The following BNC2 variants were observed in gnomAD, a reference collection of about 807,000 sequenced individuals.
The protein encoded by BNC2 is zinc finger protein basonuclin-2.
In BNC2, 20 loss-of-function variants were observed where a neutral mutation model predicts 76.3. The ratio of observed to expected loss-of-function variants is 0.26; its 90% CI spans 0.18 to 0.38. The LOEUF is 0.38. BNC2 is among the 10% of genes least tolerant of loss of function. The probability of loss-of-function intolerance (pLI) is 1.00; values close to 1 mark genes in which losing one functional copy is unlikely to be tolerated. For synonymous variants in BNC2, 582 were observed against 514.8 expected, an observed-to-expected ratio of 1.13 and a Z score of -1.77; for missense variants, 1,382 against 1,399.8, an observed-to-expected ratio of 0.99 and a Z score of 0.20.
chr9:16,419,429 C>T lies in BNC2; in HGVS notation c.2860G>A (p.Ala954Thr), dbSNP rs763487720. 70 of 1,607,898 alleles carry T rather than the reference C, an allele frequency of 4.4e-5. 1 individual carries two copies. The South Asian group carries it at 7.7e-4, about 18-fold the overall frequency. ...AAGTCAAGGACCATGTAGTCCTCTGCCATGCCTCTCCCATACCCGTTCAGG... is the reference window on the plus strand; with the variant it reads ...AAGTCAAGGACCATGTAGTCCTCTGTCATGCCTCTCCCATACCCGTTCAGG... ...SHLNGYGRGMAEDYMVLDLST... is the reference protein window; with the variant it reads ...SHLNGYGRGMTEDYMVLDLST... Residue 954 changes from alanine (A) to threonine (T), a missense_variant, in exon 7 of 7, where the codon GCA becomes ACA. Physicochemically the swap from Ala to Thr is moderately conservative, Grantham distance 58. This residue lies in a region of BNC2 where 798 missense variants were observed against 775.5 expected (regional missense o/e 1.03). Coordinates refer to ENST00000380672, the MANE Select transcript of BNC2 (RefSeq NM_017637.6).
At chr9:16,763,906 G>A (rs1188528673) in intron 1 of BNC2, among the ~76,000 whole-genome samples, 9 of 152,208 alleles carry the variant, frequency 5.9e-5, no homozygotes, top group African/African-American at 2.2e-4. Flanking sequence ...GTGTCCACCA[G>A]GCCCTCCTGC....
At chr9:16,814,123 C>G (rs1290379789) in intron 1 of BNC2, among the ~76,000 whole-genome samples, 1 of 152,198 alleles carries the variant, frequency 6.6e-6, no homozygotes, top group East Asian at 1.9e-4. Context: ...TCCTCATCTA[C>G]TATTTTGTAG....
intron 5 of BNC2, among the ~76,000 whole-genome samples, chr9:16,527,798 C>T (rs1280392230): frequency 5.3e-5 from 8 of 152,152 alleles, no homozygotes; most frequent in Non-Finnish European, 8.8e-5. Context: ...TATTCAAGCA[C>T]GAACAACTGC....
In BNC2 at chr9:16,414,914, CA is replaced by C. The variant is rs1371973242; in HGVS notation, c.*4074del. 10 of 142,208 alleles carry C rather than the reference CA, an allele frequency of 7.0e-5. No individual in the cohort carries two copies. In the East Asian group the frequency reaches 2.1e-3, roughly 29 times the overall value. The allele number at this position is 142,208 out of a possible 1,614,324, so 8.8% of individuals were successfully genotyped here. A position where few individuals can be genotyped will look rare whatever the true frequency, so the allele number is the denominator to read the frequency against. ...TGGAATAGCCCATTCTTGATATATTCAAAGTTTTTTTTTTTTTTTTTTCCTT... is the reference window on the plus strand; with the variant it reads ...TGGAATAGCCCATTCTTGATATATTCAAGTTTTTTTTTTTTTTTTTTCCTT... On this transcript the variant is annotated 3_prime_UTR_variant, in exon 7 of 7. Transcript: ENST00000380672.
chr9:16,474,210 T>G (rs1821883904), intron 5 of BNC2, among the ~76,000 whole-genome samples: 1 of 152,226 alleles, frequency 6.6e-6, no homozygotes, highest in African/African-American at 2.4e-5. Flanking sequence ...AAAGTTAGGA[T>G]TATACATCCT....
intron 3 of BNC2, among the ~76,000 whole-genome samples, chr9:16,698,675 CAA>C (rs1823413259): frequency 6.6e-6 from 1 of 151,378 alleles, no homozygotes; most frequent in Admixed American, 6.6e-5. Flanking sequence ...GCCTGGGCAA[CAA>C]GAGCAAAACT....
intron 3 of BNC2, among the ~76,000 whole-genome samples, chr9:16,687,601 C>T (rs1040009737): frequency 3.3e-5 from 5 of 152,042 alleles, no homozygotes; most frequent in African/African-American, 1.2e-4. Flanking sequence ...AATGAATCCC[C>T]CCAAAACCTT....
intron 1 of BNC2, among the ~76,000 whole-genome samples, chr9:16,859,684 G>C (rs1278234280): frequency 6.6e-6 from 1 of 152,222 alleles, no homozygotes; most frequent in African/African-American, 2.4e-5. Flanking sequence ...AGCTAGAATA[G>C]TGGTTTCCCA....
intron 5 of BNC2, among the ~76,000 whole-genome samples, chr9:16,498,106 C>A (rs1280854235): frequency 7.0e-6 from 1 of 142,356 alleles, no homozygotes; most frequent in Non-Finnish European, 1.5e-5. Context: ...TATATATATT[C>A]TATCATATGT....
intron 1 of BNC2, among the ~76,000 whole-genome samples, chr9:16,863,735 C>T (rs528016094): frequency 6.6e-6 from 1 of 152,092 alleles, no homozygotes; most frequent in Non-Finnish European, 1.5e-5. Context: ...GTTAAAAAGC[C>T]TTGCCTAAAA....
rs534938859 is a variant in BNC2 at position 16,733,501 on chromosome 9, C to CACA, written c.129+4856_129+4858dup. Among the ~76,000 whole-genome samples the CACA allele has an allele frequency of 3.2e-4, 49 of 151,886 alleles. No individual in the cohort carries two copies. The South Asian group carries it at 1.0e-2, about 31-fold the overall frequency. ...TTAAGCTGCCTGTTTTCCCTGGACTCACATATGTAAATAGATGGAAAGACA... is the reference window on the plus strand; with the variant it reads ...TTAAGCTGCCTGTTTTCCCTGGACTCACAACATATGTAAATAGATGGAAAGACA... On this transcript the variant is annotated intron_variant, in intron 2 of 6. Transcript: ENST00000380672.
chr9:16,788,232 C>A (rs1826350610), intron 1 of BNC2, among the ~76,000 whole-genome samples: 2 of 152,148 alleles, frequency 1.3e-5, no homozygotes, highest in Non-Finnish European at 2.9e-5. Context: ...CACAGATGAA[C>A]TGACTTGGCT....
chr9:16,418,873 GCACACACA>G lies in BNC2; in HGVS notation c.*108_*115del, dbSNP rs3223265. ...ATGTAGCCACAGAGCATACATAAAT[GCACACACA>G]CACACACACACACACACACCCCAAG... is the stretch of plus-strand genomic sequence containing the variant. On this transcript the variant is annotated 3_prime_UTR_variant, in exon 7 of 7. Transcript: ENST00000380672. 59 of 881,092 alleles carry G rather than the reference GCACACACA, an allele frequency of 6.7e-5. No homozygotes were observed. The highest frequency in any genetic ancestry group is 4.3e-4 in the African/African-American group (24 of 56,310). The allele number at this position is 881,092 out of a possible 1,614,324, so 54.6% of individuals were successfully genotyped here. A position where few individuals can be genotyped will look rare whatever the true frequency, so the allele number is the denominator to read the frequency against.
intron 5 of BNC2, among the ~76,000 whole-genome samples, chr9:16,520,245 A>G (rs891792920): frequency 2.6e-5 from 4 of 152,192 alleles, no homozygotes; most frequent in Non-Finnish European, 5.9e-5. Flanking sequence ...GGGCTCTTCC[A>G]GCTTGAAGCA....
chr9:16,446,708 G>A (rs186652614), intron 5 of BNC2, among the ~76,000 whole-genome samples: 17 of 152,172 alleles, frequency 1.1e-4, no homozygotes, highest in African/African-American at 4.1e-4. Context: ...AGATAAGAAT[G>A]TATAATTCAT....
At chr9:16,746,221 G>C (rs1824997601) in intron 1 of BNC2, among the ~76,000 whole-genome samples, 1 of 152,120 alleles carries the variant, frequency 6.6e-6, no homozygotes, top group Non-Finnish European at 1.5e-5. Flanking sequence ...TTTACTCTTT[G>C]CGACTTGTGA....
At chr9:16,836,929 T>G (rs1195853761) in intron 1 of BNC2, among the ~76,000 whole-genome samples, 1 of 152,112 alleles carries the variant, frequency 6.6e-6, no homozygotes, top group African/African-American at 2.4e-5. Context: ...CAACTACATG[T>G]CTAAAAGGTA....
At chr9:16,775,943 G>A (rs986510702) in intron 1 of BNC2, 1 of 152,144 alleles carries the variant, frequency 6.6e-6, no homozygotes, top group African/African-American at 2.4e-5. Context: ...CAGCGGCGGT[G>A]GGCCACTGTG....
chr9:16,849,349 A>G (rs934962592), intron 1 of BNC2, among the ~76,000 whole-genome samples: 1 of 142,860 alleles, frequency 7.0e-6, no homozygotes. Context: ...TTCCATGCAA[A>G]AGATTTTTTT....
Sources: gnomAD v4.1 joint callset for allele counts (sites outside exome capture counted in the v4.1 genomes callset) on GRCh38, gnomAD v4.1.1 for gene constraint, gnomAD v4.1.1 regional missense constraint, MANE v1.5 for transcripts, NCBI Gene and HGNC (gene_info 2026-07-23, HGNC 2026-07-21) for gene names.